The following MTF2 variants were observed in gnomAD, a reference collection of about 807,000 sequenced individuals.
The protein encoded by MTF2 is metal response element binding transcription factor 2.
Under a neutral mutation model 79.5 loss-of-function variants are expected in MTF2, and 11 were observed. The ratio of observed to expected loss-of-function variants is 0.14; its 90% CI spans 0.09 to 0.23. The LOEUF (loss-of-function observed/expected upper bound fraction) is 0.23. Among genes scored for constraint, MTF2 ranks in the 10% least tolerant of loss-of-function variants. MTF2 has a pLI of 1.00. For missense variants in MTF2, 486 were observed against 711.2 expected (o/e 0.68, Z 3.60); for synonymous variants, 208 against 232.8 (o/e 0.89, Z 0.97).
rs548487482 is a variant in MTF2 at position 93,119,361 on chromosome 1, A to G, written c.757A>G (p.Ser253Gly). ...TTATACGTTTATATGCTCTGTCTGC[A>G]GTTCTGGACCAGAATACCTCAAACG... ...RFYTFICSVC[S>G]SGPEYLKRLP... is the part of the protein sequence containing the mutation. Residue 253 changes from serine to glycine, a missense_variant, in exon 8 of 15, where the codon AGT becomes GGT. Ser to Gly is a moderately conservative substitution (Grantham distance 56, BLOSUM62 0). Coordinates refer to ENST00000370298, the MANE Select transcript of MTF2 (RefSeq NM_007358.4). 11 of 1,597,606 alleles carry G rather than the reference A, an allele frequency of 6.9e-6. No homozygotes were observed. The highest frequency in any genetic ancestry group is 4.5e-5 in the South Asian group (4 of 88,370).
At chr1:93,096,878 A>C (rs1327004636) in intron 1 of MTF2, among the ~76,000 whole-genome samples, 1 of 143,950 alleles carries the variant, frequency 6.9e-6, no homozygotes, top group Non-Finnish European at 1.5e-5. Flanking sequence ...TGGTGTGATC[A>C]TGGCTCACTG....
At chr1:93,124,185 G>T (rs1656601313) in intron 9 of MTF2, among the ~76,000 whole-genome samples, 1 of 151,852 alleles carries the variant, frequency 6.6e-6, no homozygotes, top group African/African-American at 2.4e-5. Context: ...ACTTCTTTTG[G>T]CTTGGTACCT....
chr1:93,096,808 CTTTTTTT>C lies in MTF2; in HGVS notation c.6-13409_6-13403del, dbSNP rs961849389. ...GTGTATATTTTCTTTTTTTCTTTTT[CTTTTTTT>C]TTTTTTTTTTTTGGAGACAGGGTCT... On this transcript the variant is annotated intron_variant, in intron 1 of 14. Coordinates refer to ENST00000370298, the MANE Select transcript of MTF2 (RefSeq NM_007358.4). Among the ~76,000 whole-genome samples, 12 of 136,266 alleles carry C rather than the reference CTTTTTTT, an allele frequency of 8.8e-5. 1 individual carries two copies. Among genetic ancestry groups the C allele is most frequent in the South Asian group, 6.6e-4 (3 of 4,528 alleles). 89.4% of individuals were successfully genotyped at this position (136,266 alleles called of 152,430 possible). A position where few individuals can be genotyped will look rare whatever the true frequency, so the allele number is the denominator to read the frequency against.
chr1:93,079,665 C>T, intron 1 of MTF2, 134 bp downstream of exon 1: 4 of 1,160,306 alleles, frequency 3.4e-6, no homozygotes, highest in South Asian at 1.3e-5. Flanking sequence ...ATGTGGGTGC[C>T]TTTGCATTTA....
At chr1:93,130,836 T>G (rs1016613105) in intron 11 of MTF2, among the ~76,000 whole-genome samples, 2 of 152,204 alleles carry the variant, frequency 1.3e-5, no homozygotes, top group Non-Finnish European at 1.5e-5. Flanking sequence ...ATTTCTGGCC[T>G]GAGCAACTGG....
At chr1:93,123,770 C>A (rs190503978) in intron 9 of MTF2, among the ~76,000 whole-genome samples, 1 of 147,794 alleles carries the variant, frequency 6.8e-6, no homozygotes, top group Non-Finnish European at 1.5e-5. Flanking sequence ...GTCCCCCCCC[C>A]CTTTTTTTAA....
intron 10 of MTF2, 31 bp downstream of exon 10, chr1:93,127,330 A>C (rs1230390730): frequency 7.3e-7 from 1 of 1,373,198 alleles, no homozygotes; most frequent in South Asian, 1.2e-5. Context: ...TATCCCTATG[A>C]GGGAGACATT....
rs1177292632 is a variant in MTF2, at chr1:93,136,664, A to C, written c.1425-6A>C. 5 of 1,609,754 alleles carry C rather than the reference A, an allele frequency of 3.1e-6. No homozygotes were observed. The highest frequency in any genetic ancestry group is 3.4e-6 in the Non-Finnish European group (4 of 1,177,912). ...GTAGACAATTCTGGCCTTCTCTGTT[A>C]CATAGATTATCTGACTCCAGAAAAA... On this transcript the variant is annotated splice_polypyrimidine_tract_variant and splice_region_variant and intron_variant, in intron 14 of 14. Coordinates refer to ENST00000370298, the MANE Select transcript of MTF2 (RefSeq NM_007358.4).
chr1:93,096,750 T>C (rs1055170701), intron 1 of MTF2, among the ~76,000 whole-genome samples: 2 of 152,028 alleles, frequency 1.3e-5, no homozygotes, highest in South Asian at 2.1e-4. Flanking sequence ...ATTTCTGTTA[T>C]GATTTCTTCT....
chr1:93,119,562 G>T, intron 8 of MTF2, 161 bp downstream of exon 8: 1 of 563,658 alleles, frequency 1.8e-6, no homozygotes, highest in African/African-American at 1.9e-5. Flanking sequence ...TCTTCACTAA[G>T]TAACATCCAC....
At chr1:93,087,643 G>C (rs1654903305) in intron 1 of MTF2, among the ~76,000 whole-genome samples, 1 of 151,734 alleles carries the variant, frequency 6.6e-6, no homozygotes, top group Non-Finnish European at 1.5e-5. Context: ...TACTGGCAGT[G>C]AATGGCCTGA....
chr1:93,097,031 A>G (rs765731010), intron 1 of MTF2, among the ~76,000 whole-genome samples: 19 of 151,892 alleles, frequency 1.3e-4, no homozygotes, highest in Non-Finnish European at 2.8e-4. Context: ...GCTGGTCTCA[A>G]ACTCCTGAGC....
rs1234584612 is a variant in MTF2 at position 93,079,659 on chromosome 1, G to A, written c.5+128G>A. ...GGTGGGGGTGGGGGCTCCTGTATGT[G>A]GGTGCCTTTGCATTTATGTGTATAT... On this transcript the variant is annotated intron_variant, in intron 1 of 14. Transcript: ENST00000370298. 5 of 1,195,104 alleles carry A rather than the reference G, an allele frequency of 4.2e-6. 1 individual carries two copies. In the Admixed American group the frequency reaches 7.8e-5, roughly 19 times the overall value. 74.0% of individuals were successfully genotyped at this position (1,195,104 alleles called of 1,614,324 possible).
chr1:93,124,558 A>G (rs1656615154), intron 9 of MTF2, among the ~76,000 whole-genome samples: 2 of 152,046 alleles, frequency 1.3e-5, no homozygotes, highest in Admixed American at 1.3e-4. Flanking sequence ...CAAAGATGAA[A>G]CTCAAGAAAT....
chr1:93,105,757 C>T (rs928799757), intron 1 of MTF2, among the ~76,000 whole-genome samples: 7 of 151,906 alleles, frequency 4.6e-5, no homozygotes, highest in Admixed American at 3.3e-4. Context: ...CTCACTGCAA[C>T]CTCCACCTCC....
intron 9 of MTF2, among the ~76,000 whole-genome samples, chr1:93,125,489 T>A (rs2749729): frequency 1 from 151,893 of 152,100 alleles, 75,844 homozygotes; most frequent in East Asian, 1. Context: ...GGGAGACTCT[T>A]ATGGAGGGCC....
At chr1:93,098,207 CCTCT>C (rs1242264462) in intron 1 of MTF2, among the ~76,000 whole-genome samples, 24 of 152,212 alleles carry the variant, frequency 1.6e-4, no homozygotes, top group Middle Eastern at 3.4e-3. Flanking sequence ...CTTATGAAGT[CCTCT>C]CTAAGGTTCA....
intron 9 of MTF2, among the ~76,000 whole-genome samples, chr1:93,122,253 T>C (rs1656513027): frequency 6.6e-6 from 1 of 152,200 alleles, no homozygotes; most frequent in African/African-American, 2.4e-5. Flanking sequence ...CTTTTAGCAC[T>C]TCATATGCAG....
chr1:93,100,783 A>C (rs1655498659), intron 1 of MTF2, among the ~76,000 whole-genome samples: 2 of 152,188 alleles, frequency 1.3e-5, no homozygotes, highest in African/African-American at 2.4e-5. Context: ...TCAAGAGATA[A>C]AAGAGAATTC....
Sources: gnomAD v4.1 joint callset for allele counts (sites outside exome capture counted in the v4.1 genomes callset) on GRCh38, gnomAD v4.1.1 for gene constraint, MANE v1.5 for transcripts, NCBI Gene and HGNC (gene_info 2026-07-23, HGNC 2026-07-21) for gene names.